SEMA5A: variants seen among roughly 807,000 people sequenced by gnomAD.
SEMA5A encodes the protein semaphorin-5A.
A neutral mutation model predicts 135.5 loss-of-function variants in SEMA5A; 55 were observed. The ratio of observed to expected loss-of-function variants is 0.41; its 90% CI spans 0.33 to 0.51. SEMA5A has a LOEUF of 0.51. SEMA5A is among the 20% of genes least tolerant of loss of function. The pLI is 0.37. For synonymous variants in SEMA5A, 580 were observed against 546.5 expected, an observed-to-expected ratio of 1.06 and a Z score of -0.85; for missense variants, 1,290 against 1,419.9, an observed-to-expected ratio of 0.91 and a Z score of 1.47.
At chr5:9,372,995 G>A (rs989749473) in intron 3 of SEMA5A, among the ~76,000 whole-genome samples, 1 of 152,290 alleles carries the variant, frequency 6.6e-6, no homozygotes. Flanking sequence ...AGTGACAGGA[G>A]GCCAGAAAAC....
chr5:9,473,753 C>T (rs1759568323), intron 1 of SEMA5A, among the ~76,000 whole-genome samples: 1 of 152,134 alleles, frequency 6.6e-6, no homozygotes, highest in African/African-American at 2.4e-5. Context: ...AAAACTCAGC[C>T]CTGTAAACTG....
intron 2 of SEMA5A, among the ~76,000 whole-genome samples, chr5:9,414,841 G>A (rs551073473): frequency 3.5e-4 from 54 of 152,256 alleles, no homozygotes; most frequent in African/African-American, 1.2e-3. Context: ...TCTGTTAAAT[G>A]GGACCAAGAG....
At chr5:9,320,933 G>A (rs1472399956) in intron 4 of SEMA5A, among the ~76,000 whole-genome samples, 1 of 152,102 alleles carries the variant, frequency 6.6e-6, no homozygotes, top group Non-Finnish European at 1.5e-5. Flanking sequence ...CAGAAGCGGG[G>A]CTTACCAGTG....
At chr5:9,180,114 A>G (rs927814862) in intron 11 of SEMA5A, among the ~76,000 whole-genome samples, 4 of 152,154 alleles carry the variant, frequency 2.6e-5, no homozygotes, top group Non-Finnish European at 4.4e-5. Context: ...CTCTTTTCTC[A>G]TCTTACAAGC....
intron 3 of SEMA5A, among the ~76,000 whole-genome samples, chr5:9,346,429 C>A (rs896663594): frequency 6.6e-6 from 1 of 152,148 alleles, no homozygotes; most frequent in African/African-American, 2.4e-5. Context: ...TGGGGGCAGA[C>A]ACAAAAGGGC....
intron 18 of SEMA5A, among the ~76,000 whole-genome samples, chr5:9,058,753 TCA>T (rs1425195653): frequency 1.3e-5 from 2 of 152,182 alleles, no homozygotes; most frequent in Non-Finnish European, 2.9e-5. Flanking sequence ...AGCCCTTCAC[TCA>T]CAGTCTCTCG....
chr5:9,489,389 C>A (rs1443202333), intron 1 of SEMA5A, among the ~76,000 whole-genome samples: 2 of 152,044 alleles, frequency 1.3e-5, no homozygotes, highest in Non-Finnish European at 2.9e-5. Flanking sequence ...TTCCATAAAA[C>A]GCATACCTTT....
intron 21 of SEMA5A, among the ~76,000 whole-genome samples, chr5:9,045,374 GCT>G (rs1287983363): frequency 6.6e-6 from 1 of 152,122 alleles, no homozygotes; most frequent in Non-Finnish European, 1.5e-5. Context: ...ACTGCTTTTA[GCT>G]CTCTCTCCAT....
chr5:9,101,485 T>C (rs1387936168), intron 16 of SEMA5A, among the ~76,000 whole-genome samples: 1 of 152,246 alleles, frequency 6.6e-6, no homozygotes, highest in Non-Finnish European at 1.5e-5. Flanking sequence ...GTAGCAATTA[T>C]AATGACAGAT....
intron 5 of SEMA5A, among the ~76,000 whole-genome samples, chr5:9,313,763 G>C (rs1752248636): frequency 6.6e-6 from 1 of 152,114 alleles, no homozygotes. Context: ...CTCAAGGATG[G>C]GCAGTCTTTT....
At chr5:9,499,615 C>G (rs566326910) in intron 1 of SEMA5A, among the ~76,000 whole-genome samples, 1 of 152,238 alleles carries the variant, frequency 6.6e-6, no homozygotes, top group African/African-American at 2.4e-5. Context: ...GGAAGTTTGA[C>G]AGGCAGCATC....
At chr5:9,215,383 C>A (rs181390409) in intron 8 of SEMA5A, among the ~76,000 whole-genome samples, 1 of 143,810 alleles carries the variant, frequency 7.0e-6, no homozygotes, top group African/African-American at 3.0e-5. Context: ...GAAGTCCCAA[C>A]CCCCAATTTT....
intron 5 of SEMA5A, among the ~76,000 whole-genome samples, chr5:9,295,313 G>A (rs567736141): frequency 3.7e-4 from 57 of 152,286 alleles, no homozygotes; most frequent in Admixed American, 2.1e-3. Flanking sequence ...CATCCTAACT[G>A]CCTTTTGTAA....
intron 5 of SEMA5A, among the ~76,000 whole-genome samples, chr5:9,255,701 C>A (rs1055977774): frequency 9.9e-5 from 15 of 152,070 alleles, no homozygotes; most frequent in African/African-American, 3.6e-4. Context: ...CCTTCACTTT[C>A]CACTCTTCCT....
chr5:9,245,112 C>T (rs13360301), intron 5 of SEMA5A, among the ~76,000 whole-genome samples: 3,664 of 152,190 alleles, frequency 0.024, 138 homozygotes, highest in African/African-American at 0.08. Flanking sequence ...ATGGAACATT[C>T]CAGAAACAAA....
In SEMA5A at chr5:9,197,302, TC is replaced by T; in HGVS notation, c.933del (p.Asn312ThrfsTer13). The T allele has an allele frequency of 6.2e-7, 1 of 1,603,458 alleles. No individual in the cohort carries two copies. The highest frequency in any genetic ancestry group is 8.5e-7 in the Non-Finnish European group (1 of 1,176,798). ...CACACAGCTGAGGCCGCAATGCTGTTCCTGGGAGCGGAGGGAGAGAGAGAAG... is the reference window on the plus strand; with the variant it reads ...CACACAGCTGAGGCCGCAATGCTGTTCTGGGAGCGGAGGGAGAGAGAGAAG... Reference protein sequence around the residue: ...DLIYGIFTTNVNSIAASAVCV... With the variant: ...DLIYGIFTTNXNSIAASAVCV... On this transcript the variant is annotated frameshift_variant and splice_region_variant, in exon 10 of 23. Coordinates refer to ENST00000382496, the MANE Select transcript of SEMA5A (RefSeq NM_003966.3). LOFTEE classifies it high-confidence loss of function.
At chr5:9,469,981 T>A (rs747690029) in intron 1 of SEMA5A, among the ~76,000 whole-genome samples, 3 of 152,176 alleles carry the variant, frequency 2.0e-5, no homozygotes, top group Non-Finnish European at 2.9e-5. Flanking sequence ...CCAATCTTCA[T>A]TTGTGAAATG....
rs760835836 is a variant in SEMA5A, at chr5:9,066,438, C to T, written c.2282G>A (p.Ser761Asn). The change falls in exon 17 of 23, where the codon AGT (serine) becomes AAT (asparagine). Residue 761 changes from serine (S) to asparagine (N), a missense_variant. Coordinates refer to ENST00000382496, the MANE Select transcript of SEMA5A (RefSeq NM_003966.3). Reference protein sequence around the residue: ...EMRYCSSDGTSGCSTDGLSGD... With the variant: ...EMRYCSSDGTNGCSTDGLSGD... The stretch of plus-strand genomic sequence containing the variant: ...CTACTCACCATCTGTGGAGCAGCCA[C>T]TGGTGCCGTCGCTAGAACAGTACCG... 6.2e-7 allele frequency: 1 copy of T among 1,614,232 alleles called. No homozygotes were observed. Among genetic ancestry groups the T allele is most frequent in the South Asian group, 1.1e-5 (1 of 91,084 alleles).
chr5:9,112,739 T>C (rs1296991548), intron 15 of SEMA5A, among the ~76,000 whole-genome samples: 2 of 152,188 alleles, frequency 1.3e-5, no homozygotes, highest in Non-Finnish European at 2.9e-5. Context: ...CTCCTAGAAT[T>C]CACACCTTGC....
Sources: gnomAD v4.1 joint callset for allele counts (sites outside exome capture counted in the v4.1 genomes callset) on GRCh38, gnomAD v4.1.1 for gene constraint, MANE v1.5 for transcripts, NCBI Gene and HGNC (gene_info 2026-07-23, HGNC 2026-07-21) for gene names.